BTBD9: variants seen among roughly 807,000 people sequenced by gnomAD.
BTBD9 encodes the protein BTB domain containing 9, also known as BTB/POZ domain-containing protein 9.
Under a neutral mutation model 64.3 loss-of-function variants are expected in BTBD9, and 49 were observed. The ratio of observed to expected loss-of-function variants is 0.76; its 90% CI spans 0.61 to 0.97. BTBD9 has a LOEUF of 0.97. Among genes scored for constraint, BTBD9 ranks in the 50% least tolerant of loss-of-function variants. The pLI, the probability that BTBD9 is intolerant of heterozygous loss-of-function variation, is 0.00. For synonymous variants in BTBD9, 260 were observed against 274.7 expected (o/e 0.95, Z 0.53); for missense variants, 598 against 762.1 (o/e 0.78, Z 2.53).
At chr6:38,182,731 C>G (rs1761616473) in intron 10 of BTBD9, among the ~76,000 whole-genome samples, 1 of 152,216 alleles carries the variant, frequency 6.6e-6, no homozygotes, top group African/African-American at 2.4e-5. Context: ...GGGACCCTCA[C>G]AAGCTGCTGT....
chr6:38,480,094 A>T (rs13219518), intron 6 of BTBD9, among the ~76,000 whole-genome samples: 35,701 of 152,144 alleles, frequency 0.23, 5,154 homozygotes, highest in East Asian at 0.5. Context: ...AAGGGAAAAA[A>T]GCAATACAAT....
intron 9 of BTBD9, among the ~76,000 whole-genome samples, chr6:38,195,133 T>C (rs779223828): frequency 2.4e-4 from 37 of 152,170 alleles, no homozygotes; most frequent in African/African-American, 7.5e-4. Context: ...TCCCCTGAAC[T>C]TTTTCAGAAT....
chr6:38,214,817 A>C (rs933814209), intron 9 of BTBD9, among the ~76,000 whole-genome samples: 3 of 152,230 alleles, frequency 2.0e-5, no homozygotes, highest in Admixed American at 1.3e-4. Flanking sequence ...GTAAACAAGC[A>C]GCCATAAGAC....
At chr6:38,374,129 T>G (rs1250713947) in intron 6 of BTBD9, among the ~76,000 whole-genome samples, 1 of 149,986 alleles carries the variant, frequency 6.7e-6, no homozygotes, top group African/African-American at 2.5e-5. Context: ...ATTAGCCAGG[T>G]GTGGTGGCAC....
chr6:38,434,626 A>G (rs1768625292), intron 6 of BTBD9, among the ~76,000 whole-genome samples: 2 of 151,952 alleles, frequency 1.3e-5, no homozygotes, highest in Non-Finnish European at 2.9e-5. Flanking sequence ...AAGGTCACTC[A>G]TATTTGGCTC....
intron 6 of BTBD9, among the ~76,000 whole-genome samples, chr6:38,538,378 A>G (rs182198691): frequency 9.9e-5 from 15 of 152,274 alleles, no homozygotes; most frequent in African/African-American, 3.6e-4. Flanking sequence ...GGCAAATGGG[A>G]GTGGGGGGAG....
intron 1 of BTBD9, among the ~76,000 whole-genome samples, chr6:38,615,165 G>A (rs979243382): frequency 6.6e-6 from 1 of 152,156 alleles, no homozygotes; most frequent in Non-Finnish European, 1.5e-5. Context: ...TCATCCAAGT[G>A]CAACTCAGGT....
At chr6:38,441,581 TA>T (rs1238368466) in intron 6 of BTBD9, among the ~76,000 whole-genome samples, 1 of 151,920 alleles carries the variant, frequency 6.6e-6, no homozygotes, top group Non-Finnish European at 1.5e-5. Context: ...CCTGGCTAGT[TA>T]AAAAAAATTT....
chr6:38,610,479 T>C (rs1224673362), intron 1 of BTBD9, among the ~76,000 whole-genome samples: 1 of 152,012 alleles, frequency 6.6e-6, no homozygotes, highest in African/African-American at 2.4e-5. Flanking sequence ...AAACGTGAGA[T>C]TGAAAAGGAA....
chr6:38,493,404 C>T (rs1157483359), intron 6 of BTBD9, among the ~76,000 whole-genome samples: 2 of 152,072 alleles, frequency 1.3e-5, no homozygotes, highest in Admixed American at 1.3e-4. Context: ...TTTGTGCTGA[C>T]GGGGTCTTTG....
intron 1 of BTBD9, among the ~76,000 whole-genome samples, chr6:38,617,248 C>G (rs1372207696): frequency 6.6e-6 from 1 of 152,124 alleles, no homozygotes; most frequent in Non-Finnish European, 1.5e-5. Context: ...GAAAGCCATT[C>G]GGCTCCAAAA....
chr6:38,405,247 CACTCGCTT>C (rs2046777762), intron 6 of BTBD9, among the ~76,000 whole-genome samples: 4 of 152,104 alleles, frequency 2.6e-5, no homozygotes, highest in Admixed American at 2.6e-4. Context: ...ACATGTGTAT[CACTCGCTT>C]TGAACCTGAT....
intron 6 of BTBD9, among the ~76,000 whole-genome samples, chr6:38,365,814 G>T (rs1406847927): frequency 2.7e-5 from 4 of 150,280 alleles, no homozygotes; most frequent in Non-Finnish European, 5.9e-5. Context: ...AAATGCTACC[G>T]ATAAGTAACA....
intron 6 of BTBD9, among the ~76,000 whole-genome samples, chr6:38,468,453 G>A (rs1770494831): frequency 6.6e-6 from 1 of 152,098 alleles, no homozygotes; most frequent in African/African-American, 2.4e-5. Context: ...TGCCTCTTCT[G>A]TCTAAAGAAA....
chr6:38,377,107 C>G (rs1765720656), intron 6 of BTBD9, among the ~76,000 whole-genome samples: 1 of 152,160 alleles, frequency 6.6e-6, no homozygotes, highest in Admixed American at 6.6e-5. Context: ...TTATAACCAT[C>G]TTATTCTGTT....
At chr6:38,277,395 G>A (rs748224611) in intron 8 of BTBD9, among the ~76,000 whole-genome samples, 16 of 151,546 alleles carry the variant, frequency 1.1e-4, no homozygotes, top group Non-Finnish European at 1.8e-4. Context: ...GTGCAGGGGC[G>A]TGATCTCGGC....
chr6:38,452,003 C>T (rs922978698), intron 6 of BTBD9, among the ~76,000 whole-genome samples: 3 of 152,060 alleles, frequency 2.0e-5, no homozygotes, highest in Non-Finnish European at 4.4e-5. Context: ...TGTAGAAGAG[C>T]TCTTTTACCT....
chr6:38,445,308 G>A (rs1445607187), intron 6 of BTBD9, among the ~76,000 whole-genome samples: 1 of 152,198 alleles, frequency 6.6e-6, no homozygotes, highest in Non-Finnish European at 1.5e-5. Flanking sequence ...ATCCATAGGA[G>A]AGAAAACCTT....
chr6:38,380,046 A>G (rs558446763), intron 6 of BTBD9, among the ~76,000 whole-genome samples: 1 of 152,292 alleles, frequency 6.6e-6, no homozygotes, highest in East Asian at 1.9e-4. Context: ...GTAAATGAAG[A>G]AAGGTGGGTG....
Sources: gnomAD v4.1 joint callset for allele counts (sites outside exome capture counted in the v4.1 genomes callset) on GRCh38, gnomAD v4.1.1 for gene constraint, MANE v1.5 for transcripts, NCBI Gene and HGNC (gene_info 2026-07-23, HGNC 2026-07-21) for gene names.